Variants in CCDC148 observed in about 807,000 individuals in gnomAD.
The protein encoded by CCDC148 is coiled-coil domain containing 148, also known as coiled-coil domain-containing protein 148.
In CCDC148, 89 loss-of-function variants were observed where a neutral mutation model predicts 85.7. That is an observed-to-expected ratio of 1.04 (90% CI 0.87 to 1.24). The LOEUF is 1.24. Ranked by LOEUF, CCDC148 falls within the 50% of genes most tolerant of loss-of-function variation. The probability of loss-of-function intolerance (pLI) is 0.00; values close to 1 mark genes in which losing one functional copy is unlikely to be tolerated. For synonymous variants in CCDC148, 230 were observed against 213.9 expected (o/e 1.08, Z -0.66); for missense variants, 692 against 671.7 (o/e 1.03, Z -0.33).
intron 11 of CCDC148, among the ~76,000 whole-genome samples, chr2:158,203,117 T>C (rs1335889751): frequency 6.6e-6 from 1 of 152,194 alleles, no homozygotes; most frequent in African/African-American, 2.4e-5. Context: ...ACTGGAACCT[T>C]GGTCTGTTAG....
chr2:158,203,513 C>T (rs1426873175), intron 11 of CCDC148, among the ~76,000 whole-genome samples: 9 of 151,988 alleles, frequency 5.9e-5, no homozygotes, highest in Non-Finnish European at 8.8e-5. Context: ...CCAAAAAGAA[C>T]TCACAAAACA....
chr2:158,437,963 T>C (rs376475637), intron 1 of CCDC148, among the ~76,000 whole-genome samples: 2 of 151,924 alleles, frequency 1.3e-5, no homozygotes, highest in Admixed American at 6.6e-5. Context: ...CACTGCTCAA[T>C]GAAATAAAAG....
intron 1 of CCDC148, among the ~76,000 whole-genome samples, chr2:158,401,612 A>T (rs1202225459): frequency 1.3e-5 from 2 of 152,094 alleles, no homozygotes; most frequent in South Asian, 4.1e-4. Context: ...TGATGGGTGC[A>T]GCAAACCACC....
chr2:158,440,017 C>T (rs997309615), intron 1 of CCDC148, among the ~76,000 whole-genome samples: 4 of 151,412 alleles, frequency 2.6e-5, no homozygotes, highest in Admixed American at 1.3e-4. Context: ...TTCCATCACA[C>T]CCAGATATTT....
chr2:158,335,923 C>T (rs150789437), intron 7 of CCDC148, among the ~76,000 whole-genome samples: 10 of 152,192 alleles, frequency 6.6e-5, no homozygotes, highest in East Asian at 3.9e-4. Context: ...ACCAAACCAG[C>T]GAGCTACTAT....
At chr2:158,436,940 C>G (rs1464477059) in intron 1 of CCDC148, among the ~76,000 whole-genome samples, 1 of 152,132 alleles carries the variant, frequency 6.6e-6, no homozygotes, top group African/African-American at 2.4e-5. Context: ...GAAGTTGAAT[C>G]TCTGAATAAA....
chr2:158,434,498 G>A (rs1210036302), intron 1 of CCDC148, among the ~76,000 whole-genome samples: 1 of 152,162 alleles, frequency 6.6e-6, no homozygotes, highest in African/African-American at 2.4e-5. Context: ...ACCAAAGGTA[G>A]ATAAAACCAC....
At chr2:158,242,752 T>A (rs183417832) in intron 10 of CCDC148, among the ~76,000 whole-genome samples, 1 of 151,962 alleles carries the variant, frequency 6.6e-6, no homozygotes, top group Non-Finnish European at 1.5e-5. Flanking sequence ...CAGGTCTTAA[T>A]GAGGTTGTTA....
intron 11 of CCDC148, among the ~76,000 whole-genome samples, chr2:158,208,251 G>A (rs997064133): frequency 1.3e-5 from 2 of 152,192 alleles, no homozygotes; most frequent in African/African-American, 2.4e-5. Flanking sequence ...AACAGTCTTA[G>A]GTGGAAGCAA....
chr2:158,217,352 A>ATATATT, intron 11 of CCDC148, among the ~76,000 whole-genome samples: 1 of 128,092 alleles, frequency 7.8e-6, no homozygotes, highest in Non-Finnish European at 1.6e-5. Context: ...ATATATATAT[A>ATATATT]TATAAAATTT....
At chr2:158,175,869 C>CCCAT (rs966785191) in intron 13 of CCDC148, among the ~76,000 whole-genome samples, 35 of 151,876 alleles carry the variant, frequency 2.3e-4, no homozygotes, top group African/African-American at 3.4e-4. Context: ...CATCCATCCA[C>CCCAT]CCATCCATCC....
intron 1 of CCDC148, among the ~76,000 whole-genome samples, chr2:158,438,377 T>C (rs1437567176): frequency 6.6e-6 from 1 of 151,968 alleles, no homozygotes; most frequent in Non-Finnish European, 1.5e-5. Flanking sequence ...AATGGGGAAA[T>C]GATTCCCTAT....
chr2:158,391,980 C>A (rs1443255327), intron 1 of CCDC148, among the ~76,000 whole-genome samples: 5 of 152,102 alleles, frequency 3.3e-5, no homozygotes, highest in African/African-American at 1.2e-4. Flanking sequence ...TTCTCCCCAA[C>A]TGGCAGTATC....
Position 158,433,261 on chromosome 2 carries a change from AAT to A in CCDC148, c.25+23152_25+23153del, listed in dbSNP as rs375554012. ...GGCAACAGAGTAAGTCCTTGACTCA[AAT>A]ATATATATATATATAAAACAAAAGC... On this transcript the variant is annotated intron_variant, in intron 1 of 13. Coordinates refer to ENST00000283233, the MANE Select transcript of CCDC148 (RefSeq NM_138803.4). Among the ~76,000 whole-genome samples the A allele has an allele frequency of 2.7e-4, 33 of 122,550 alleles. 2 individuals carry two copies. Among genetic ancestry groups the A allele is most frequent in the Middle Eastern group, 9.9e-3 (2 of 202 alleles). The allele number at this position is 122,550 out of a possible 152,430, so 80.4% of individuals were successfully genotyped here.
intron 11 of CCDC148, among the ~76,000 whole-genome samples, chr2:158,215,627 G>T (rs1015372842): frequency 6.6e-6 from 1 of 151,700 alleles, no homozygotes. Flanking sequence ...CATGTGCCAC[G>T]TTGGTGTGCT....
intron 1 of CCDC148, among the ~76,000 whole-genome samples, chr2:158,386,561 A>C (rs2105292867): frequency 6.6e-6 from 1 of 152,256 alleles, no homozygotes; most frequent in South Asian, 2.1e-4. Flanking sequence ...ATGTACCACA[A>C]GTTCAGCTTG....
chr2:158,365,896 C>T (rs1281610167), intron 1 of CCDC148: 2 of 682,662 alleles, frequency 2.9e-6, no homozygotes, highest in East Asian at 3.0e-5. Flanking sequence ...TCAATGTAAC[C>T]AGAAAGTGAG....
Position 158,342,026 on chromosome 2 carries a change from C to CT in CCDC148, c.252-1347dup, listed in dbSNP as rs1159799812. Among the ~76,000 whole-genome samples, 204 of 62,654 alleles carry CT rather than the reference C, an allele frequency of 3.3e-3. 7 individuals are homozygous for CT. Among genetic ancestry groups the CT allele is most frequent in the African/African-American group, 9.2e-3 (128 of 13,918 alleles). The allele number at this position is 62,654 out of a possible 152,430, so 41.1% of individuals were successfully genotyped here. On this transcript the variant is annotated intron_variant, in intron 3 of 13. Coordinates refer to ENST00000283233, the MANE Select transcript of CCDC148 (RefSeq NM_138803.4). Reference sequence around the variant, plus strand: ...TATGTACGTGTCATTATTTTCTTTTCTTTTTTTTTTTTTTTTTTTTTGAGA... The same window carrying CT: ...TATGTACGTGTCATTATTTTCTTTTCTTTTTTTTTTTTTTTTTTTTTTGAGA...
chr2:158,277,079 G>T (rs1440683715), intron 9 of CCDC148, among the ~76,000 whole-genome samples: 3 of 152,130 alleles, frequency 2.0e-5, no homozygotes, highest in African/African-American at 4.8e-5. Context: ...AAGAAATTCA[G>T]GTACCTTAAG....
Sources: gnomAD v4.1 joint callset for allele counts (sites outside exome capture counted in the v4.1 genomes callset) on GRCh38, gnomAD v4.1.1 for gene constraint, MANE v1.5 for transcripts, NCBI Gene and HGNC (gene_info 2026-07-23, HGNC 2026-07-21) for gene names.